The following PDE10A variants were observed in gnomAD, a reference collection of about 807,000 sequenced individuals.
The protein encoded by PDE10A is phosphodiesterase 10A, also known as cAMP and cAMP-inhibited cGMP 3',5'-cyclic phosphodiesterase 10A.
Under a neutral mutation model 97.7 loss-of-function variants are expected in PDE10A, and 39 were observed. The observed-to-expected ratio is 0.40, with a 90% CI of 0.31 to 0.52. The LOEUF (loss-of-function observed/expected upper bound fraction) is 0.52. Among genes scored for constraint, PDE10A ranks in the 20% least tolerant of loss-of-function variants. The pLI, the probability that PDE10A is intolerant of heterozygous loss-of-function variation, is 0.56. For synonymous variants in PDE10A, 371 were observed against 376.8 expected (o/e 0.98, Z 0.18); for missense variants, 731 against 1,047.8 (o/e 0.70, Z 4.17).
chr6:165,982,335 T>C (rs1233695437), intron 1 of PDE10A, among the ~76,000 whole-genome samples: 2 of 152,138 alleles, frequency 1.3e-5, no homozygotes, highest in Non-Finnish European at 2.9e-5. Context: ...CTTAACCAAT[T>C]TCATCCAAAA....
At chr6:165,846,555 C>T (rs1019122048) in intron 1 of PDE10A, among the ~76,000 whole-genome samples, 6 of 152,230 alleles carry the variant, frequency 3.9e-5, no homozygotes, top group African/African-American at 1.4e-4. Context: ...ATCCCCTCAG[C>T]CCTTCCCATC....
chr6:165,853,839 A>G (rs7739490), intron 1 of PDE10A, among the ~76,000 whole-genome samples: 132,307 of 152,218 alleles, frequency 0.87, 57,667 homozygotes, highest in African/African-American at 0.9. Flanking sequence ...TCTTTCAGTC[A>G]AACAGTGAAA....
intron 1 of PDE10A, among the ~76,000 whole-genome samples, chr6:165,723,776 C>T (rs749759844): frequency 1.3e-5 from 2 of 152,106 alleles, no homozygotes; most frequent in Non-Finnish European, 2.9e-5. Context: ...GGACTAGTTG[C>T]CTCCAATTGG....
At chr6:165,460,428 C>A (rs1278258380) in intron 3 of PDE10A, among the ~76,000 whole-genome samples, 1 of 152,088 alleles carries the variant, frequency 6.6e-6, no homozygotes, top group African/African-American at 2.4e-5. Flanking sequence ...ATTAAATGAA[C>A]AGGAGGATTT....
chr6:165,842,265 C>T (rs1780283526), intron 1 of PDE10A, among the ~76,000 whole-genome samples: 1 of 152,122 alleles, frequency 6.6e-6, no homozygotes, highest in African/African-American at 2.4e-5. Context: ...TTCAGAGCTA[C>T]AGATAACAGC....
At chr6:165,792,550 C>A (rs373403186) in intron 1 of PDE10A, among the ~76,000 whole-genome samples, 6 of 152,220 alleles carry the variant, frequency 3.9e-5, no homozygotes, top group African/African-American at 1.2e-4. Flanking sequence ...TGGCTGGCAC[C>A]TTTTTTCTTT....
chr6:165,573,903 C>A (rs1785175371), intron 1 of PDE10A, among the ~76,000 whole-genome samples: 1 of 152,220 alleles, frequency 6.6e-6, no homozygotes, highest in Non-Finnish European at 1.5e-5. Flanking sequence ...CGTCAGCCGG[C>A]CCAGTAGGGA....
intron 1 of PDE10A, among the ~76,000 whole-genome samples, chr6:165,614,961 T>C (rs1228764165): frequency 5.3e-5 from 8 of 151,986 alleles, no homozygotes; most frequent in African/African-American, 1.4e-4. Flanking sequence ...CCTGTAATAC[T>C]AGCACTCTGT....
At chr6:165,812,107 C>A (rs1257557548) in intron 1 of PDE10A, among the ~76,000 whole-genome samples, 1 of 152,102 alleles carries the variant, frequency 6.6e-6, no homozygotes, top group Non-Finnish European at 1.5e-5. Flanking sequence ...CCACCTCGGC[C>A]TCCCAAAATG....
At chr6:165,898,069 C>A (rs1236199016) in intron 1 of PDE10A, among the ~76,000 whole-genome samples, 2 of 151,644 alleles carry the variant, frequency 1.3e-5, no homozygotes, top group Non-Finnish European at 2.9e-5. Context: ...TCTGTCTCCC[C>A]CTCCTACCTT....
chr6:165,943,715 G>A (rs1174145237), intron 1 of PDE10A, among the ~76,000 whole-genome samples: 1 of 152,170 alleles, frequency 6.6e-6, no homozygotes, highest in Admixed American at 6.5e-5. Flanking sequence ...TGGTGAAGAA[G>A]GATCTTCTTT....
intron 10 of PDE10A, among the ~76,000 whole-genome samples, chr6:165,422,350 C>CATACACACATACGCAT (rs1467264699): frequency 6.7e-6 from 1 of 149,108 alleles, no homozygotes; most frequent in Admixed American, 6.7e-5. Flanking sequence ...CACACATATG[C>CATACACACATACGCAT]ATACACACAT....
intron 1 of PDE10A, among the ~76,000 whole-genome samples, chr6:165,749,471 A>G (rs1792944805): frequency 6.7e-6 from 1 of 149,558 alleles, no homozygotes; most frequent in Admixed American, 6.7e-5. Context: ...CATCAACAAC[A>G]CCATCAACAC....
At chr6:165,476,153 A>T (rs1233487369) in intron 3 of PDE10A, among the ~76,000 whole-genome samples, 2 of 152,190 alleles carry the variant, frequency 1.3e-5, no homozygotes, top group African/African-American at 4.8e-5. Flanking sequence ...CTCAACACAT[A>T]AGACAAAAAG....
chr6:165,511,948 G>C (rs1443481063), intron 2 of PDE10A, among the ~76,000 whole-genome samples: 2 of 151,928 alleles, frequency 1.3e-5, no homozygotes, highest in African/African-American at 4.8e-5. Flanking sequence ...CATATAGTTG[G>C]ATCATTTTGT....
chr6:165,807,886 C>T (rs1278293595), intron 1 of PDE10A, among the ~76,000 whole-genome samples: 1 of 152,158 alleles, frequency 6.6e-6, no homozygotes, highest in Non-Finnish European at 1.5e-5. Flanking sequence ...TATAAAGCTA[C>T]AATCTGTTTT....
intron 1 of PDE10A, among the ~76,000 whole-genome samples, chr6:165,986,972 G>GT (rs397740716): frequency 6.6e-6 from 1 of 151,854 alleles, no homozygotes; most frequent in African/African-American, 2.4e-5. Flanking sequence ...AGAGACTGGG[G>GT]AGGTGGGGGG....
At chr6:165,687,723 T>A (rs1336726077) in intron 1 of PDE10A, among the ~76,000 whole-genome samples, 1 of 152,184 alleles carries the variant, frequency 6.6e-6, no homozygotes, top group Non-Finnish European at 1.5e-5. Context: ...TGGCTGCACA[T>A]CCCCAGTGCA....
chr6:165,869,038 C>A (rs1208739987), intron 1 of PDE10A, among the ~76,000 whole-genome samples: 1 of 151,960 alleles, frequency 6.6e-6, no homozygotes, highest in Non-Finnish European at 1.5e-5. Flanking sequence ...AAGAACTGGA[C>A]CAAGGCAAGG....
Sources: allele counts gnomAD v4.1 joint callset (sites outside exome capture counted in the v4.1 genomes callset), GRCh38; gene constraint gnomAD v4.1.1; transcripts MANE v1.5; gene names NCBI Gene and HGNC (gene_info 2026-07-23, HGNC 2026-07-21).